SHOC2: variants seen among roughly 807,000 people sequenced by gnomAD.
The protein encoded by SHOC2 is leucine-rich repeat protein SHOC-2.
In SHOC2, 4 loss-of-function variants were observed where a neutral mutation model predicts 50.2. The ratio of observed to expected loss-of-function variants is 0.08; its 90% CI spans 0.04 to 0.18. The LOEUF (loss-of-function observed/expected upper bound fraction) is 0.18. Ranked by LOEUF, SHOC2 falls within the 10% of genes least tolerant of loss-of-function variation. The pLI is 1.00. For synonymous variants in SHOC2, 218 were observed against 244.5 expected (o/e 0.89, Z 1.01); for missense variants, 388 against 669.6 (o/e 0.58, Z 4.64).
chr10:110,999,298 CTT>C (rs1032475809), intron 3 of SHOC2, among the ~76,000 whole-genome samples: 5 of 152,062 alleles, frequency 3.3e-5, no homozygotes, highest in African/African-American at 1.2e-4. Context: ...GTCTTGTTAG[CTT>C]TTTTTGTATC....
intron 3 of SHOC2, among the ~76,000 whole-genome samples, chr10:110,990,556 GGA>G (rs1360231239): frequency 1.3e-5 from 2 of 151,912 alleles, no homozygotes; most frequent in Non-Finnish European, 2.9e-5. Flanking sequence ...TCTAGCTCAG[GGA>G]TTGTAAACGC....
intron 2 of SHOC2, among the ~76,000 whole-genome samples, chr10:110,981,876 T>TATTTATTATACTC (rs1554859803): frequency 0.019 from 2,516 of 135,446 alleles, 97 homozygotes; most frequent in East Asian, 0.13. Context: ...ATTTATTTTT[T>TATTTATTATACTC]TAAGTTTTAG....
chr10:110,957,968 ACT>A (rs2134113010), intron 1 of SHOC2, among the ~76,000 whole-genome samples: 1 of 152,124 alleles, frequency 6.6e-6, no homozygotes, highest in East Asian at 1.9e-4. Context: ...ATCCCACTTA[ACT>A]CTCTTATTCC....
At chr10:110,963,242 C>T (rs922890410) in intron 1 of SHOC2, among the ~76,000 whole-genome samples, 1 of 152,104 alleles carries the variant, frequency 6.6e-6, no homozygotes, top group African/African-American at 2.4e-5. Context: ...TTTTACTAAT[C>T]TTTTTGTCCT....
intron 2 of SHOC2, among the ~76,000 whole-genome samples, chr10:110,974,272 T>C (rs1847835508): frequency 6.6e-6 from 1 of 152,106 alleles, no homozygotes; most frequent in Non-Finnish European, 1.5e-5. Context: ...ATTAAGAAGT[T>C]AATTGTTCAG....
intron 2 of SHOC2, among the ~76,000 whole-genome samples, chr10:110,970,235 C>A (rs1293364219): frequency 1.3e-5 from 2 of 152,082 alleles, no homozygotes; most frequent in South Asian, 4.1e-4. Context: ...CCTCTAGTAA[C>A]CACTATTCTA....
At chr10:110,945,205 T>G (rs1248198943) in intron 1 of SHOC2, among the ~76,000 whole-genome samples, 3 of 152,190 alleles carry the variant, frequency 2.0e-5, no homozygotes, top group Non-Finnish European at 4.4e-5. Flanking sequence ...GGAAAAGGCG[T>G]TTTGCATTGT....
At chr10:110,921,797 C>A (rs1330233735) in intron 1 of SHOC2, among the ~76,000 whole-genome samples, 2 of 152,058 alleles carry the variant, frequency 1.3e-5, no homozygotes, top group Non-Finnish European at 2.9e-5. Flanking sequence ...TATCCATTAA[C>A]CATCCCCACA....
chr10:110,921,228 G>T (rs780440107), intron 1 of SHOC2, among the ~76,000 whole-genome samples: 21 of 152,144 alleles, frequency 1.4e-4, no homozygotes, highest in Non-Finnish European at 2.8e-4. Flanking sequence ...ACAGTGAAAA[G>T]AATTTTAGGA....
intron 2 of SHOC2, among the ~76,000 whole-genome samples, chr10:110,971,395 C>G (rs181356766): frequency 3.9e-5 from 6 of 152,026 alleles, no homozygotes; most frequent in African/African-American, 1.4e-4. Context: ...GTTCTCTACT[C>G]TATTCAATTG....
intron 2 of SHOC2, among the ~76,000 whole-genome samples, chr10:110,970,269 T>G (rs1847754841): frequency 6.6e-6 from 1 of 152,036 alleles, no homozygotes; most frequent in African/African-American, 2.4e-5. Flanking sequence ...TGAGATCAAC[T>G]TTTTTAGCAT....
intron 2 of SHOC2, among the ~76,000 whole-genome samples, chr10:110,974,077 GT>G (rs1374381013): frequency 6.6e-6 from 1 of 151,616 alleles, no homozygotes; most frequent in African/African-American, 2.4e-5. Flanking sequence ...GCTTTTCTTT[GT>G]TTTCTTAAGT....
intron 1 of SHOC2, among the ~76,000 whole-genome samples, chr10:110,920,426 A>G (rs1846609156): frequency 6.6e-6 from 1 of 151,840 alleles, no homozygotes; most frequent in African/African-American, 2.4e-5. Flanking sequence ...TTCCCCCAGC[A>G]CCTCAATATC....
At chr10:110,967,149 T>C (rs1847691584) in intron 2 of SHOC2, among the ~76,000 whole-genome samples, 1 of 152,186 alleles carries the variant, frequency 6.6e-6, no homozygotes, top group Admixed American at 6.6e-5. Flanking sequence ...TATACTATCT[T>C]ATATCCTTAC....
chr10:110,991,096 T>C (rs1848178515), intron 3 of SHOC2, among the ~76,000 whole-genome samples: 1 of 152,326 alleles, frequency 6.6e-6, no homozygotes, highest in South Asian at 2.1e-4. Context: ...CTTCTCTGTC[T>C]CAAATAGTCT....
At chr10:110,928,520 G>A (rs1360951514) in intron 1 of SHOC2, among the ~76,000 whole-genome samples, 1 of 152,144 alleles carries the variant, frequency 6.6e-6, no homozygotes, top group Non-Finnish European at 1.5e-5. Context: ...GCCTGCACTA[G>A]TTGTAAAAGA....
At chr10:110,970,435 A>T (rs1431813674) in intron 2 of SHOC2, among the ~76,000 whole-genome samples, 1 of 152,024 alleles carries the variant, frequency 6.6e-6, no homozygotes, top group Non-Finnish European at 1.5e-5. Context: ...TTCTTTCTTC[A>T]TCTGTTGTTA....
At chr10:110,982,596 C>G (rs1056392242) in intron 2 of SHOC2, among the ~76,000 whole-genome samples, 153 of 151,864 alleles carry the variant, frequency 1.0e-3, no homozygotes, top group African/African-American at 3.6e-3. Flanking sequence ...TTGCATTTCT[C>G]TGATGGCCAG....
At chr10:110,985,360 A>G (rs1486702761) in intron 2 of SHOC2, among the ~76,000 whole-genome samples, 1 of 152,106 alleles carries the variant, frequency 6.6e-6, no homozygotes, top group Admixed American at 6.5e-5. Flanking sequence ...ATCAGATGTC[A>G]TCTTGAAGTA....
Sources: gnomAD v4.1 joint callset for allele counts (sites outside exome capture counted in the v4.1 genomes callset) on GRCh38, gnomAD v4.1.1 for gene constraint, MANE v1.5 for transcripts, NCBI Gene and HGNC (gene_info 2026-07-23, HGNC 2026-07-21) for gene names.